Variants in ZEB2 observed in about 807,000 individuals in gnomAD.
ZEB2 encodes zinc finger E-box binding homeobox 2.
In ZEB2, 6 loss-of-function variants were observed where a neutral mutation model predicts 99.9. That is an observed-to-expected ratio of 0.06 (90% CI 0.03 to 0.12). The LOEUF (loss-of-function observed/expected upper bound fraction) is 0.12. Ranked by LOEUF, ZEB2 falls within the 10% of genes least tolerant of loss-of-function variation. The pLI, the probability that ZEB2 is intolerant of heterozygous loss-of-function variation, is 1.00. For missense variants in ZEB2, 969 were observed against 1,502.8 expected, an observed-to-expected ratio of 0.64 and a Z score of 5.87; for synonymous variants, 517 against 542.5, an observed-to-expected ratio of 0.95 and a Z score of 0.65.
At chr2:144,396,268 C>A in intron 9 of ZEB2, 144 bp downstream of exon 9, 1 of 1,090,776 alleles carries the variant, frequency 9.2e-7, no homozygotes, top group South Asian at 1.3e-5. Context: ...AAAAGTCCTA[C>A]TGAGCTCGGC....
chr2:144,513,383 G>C lies in ZEB2; in HGVS notation c.73+3895C>G, dbSNP rs1004117970. The C allele has an allele frequency of 2.2e-6, 3 of 1,345,960 alleles. No homozygotes were observed. In the African/African-American group the frequency reaches 4.4e-5, roughly 20 times the overall value. The allele number at this position is 1,345,960 out of a possible 1,614,324, so 83.4% of individuals were successfully genotyped here. On this transcript the variant is annotated intron_variant, in intron 2 of 9. Coordinates refer to ENST00000627532, the MANE Select transcript of ZEB2 (RefSeq NM_014795.4). ...CAGAGACCAAAGGCATTTGTAAAAA[G>C]CTCCCCTTCTCCTTCACACTGTCCC...
In ZEB2 at chr2:144,484,280, C is replaced by T. The variant is rs184668258; in HGVS notation, c.73+32998G>A. Among the ~76,000 whole-genome samples, 3 of 151,134 alleles carry T rather than the reference C, an allele frequency of 2.0e-5. No homozygotes were observed. The East Asian group carries it at 5.9e-4, about 30-fold the overall frequency. ...GTTTAAAATACTGTGTGGGACAAAT[C>T]AAACATCTGTCAGCCACCAGTTTGC... On this transcript the variant is annotated intron_variant, in intron 2 of 9. Transcript: ENST00000627532.
chr2:144,404,963 T>C lies in ZEB2; in HGVS notation c.465A>G (p.Glu155=). 1 of 1,614,246 alleles carries C rather than the reference T, an allele frequency of 6.2e-7. No homozygotes were observed. Among genetic ancestry groups the C allele is most frequent in the African/African-American group, 1.3e-5 (1 of 75,066 alleles). The part of the protein sequence containing the change: ...EEYFAKRKLE[E]RDGHAVSIEE... ...CGATGCTGACTGCATGACCATCGCG[T>C]TCCTCCAGTTTTCTTTTGGCAAAGT... Residue 155 remains glutamate, a synonymous_variant, in exon 5 of 10, where the codon GAA becomes GAG. Transcript: ENST00000627532.
chr2:144,466,739 GCGTCAGA>G lies in ZEB2; in HGVS notation c.74-36720_74-36714del, dbSNP rs367950121. Among the ~76,000 whole-genome samples the G allele has an allele frequency of 2.6e-3, 394 of 152,276 alleles. 2 individuals are homozygous for G. Among genetic ancestry groups the G allele is most frequent in the African/African-American group, 9.2e-3 (382 of 41,558 alleles). ...TAAACCAGGGCAGTGCTGAAGGTAGGCGTCAGAAAATAATGAAACCAGTGTTGCAGCA... is the reference window on the plus strand; with the variant it reads ...TAAACCAGGGCAGTGCTGAAGGTAGGAAATAATGAAACCAGTGTTGCAGCA... On this transcript the variant is annotated intron_variant, in intron 2 of 9. Transcript: ENST00000627532.
chr2:144,453,216 G>A (rs1704077822), intron 2 of ZEB2, among the ~76,000 whole-genome samples: 1 of 152,188 alleles, frequency 6.6e-6, no homozygotes, highest in African/African-American at 2.4e-5. Flanking sequence ...TGGTCAGAAA[G>A]GACCAATTTG....
At chr2:144,501,842 C>T (rs914271198) in intron 2 of ZEB2, among the ~76,000 whole-genome samples, 1 of 152,180 alleles carries the variant, frequency 6.6e-6, no homozygotes. Context: ...ACAAAATTTT[C>T]TCATGAAACT....
intron 2 of ZEB2, among the ~76,000 whole-genome samples, chr2:144,437,172 A>G (rs1703850056): frequency 6.6e-6 from 1 of 152,176 alleles, no homozygotes; most frequent in Non-Finnish European, 1.5e-5. Flanking sequence ...AACATCTATA[A>G]TATGCTTACA....
chr2:144,440,090 T>C (rs1560624892), intron 2 of ZEB2, among the ~76,000 whole-genome samples: 1 of 152,296 alleles, frequency 6.6e-6, no homozygotes, highest in East Asian at 1.9e-4. Context: ...AGAACTTGTG[T>C]GGAGTTTTAA....
chr2:144,443,296 C>T (rs1307109267), intron 2 of ZEB2, among the ~76,000 whole-genome samples: 3 of 151,984 alleles, frequency 2.0e-5, no homozygotes, highest in Non-Finnish European at 4.4e-5. Context: ...AGCTAAAGGG[C>T]CATATGCCCT....
At chr2:144,425,987 C>T (rs1387902846) in intron 3 of ZEB2, among the ~76,000 whole-genome samples, 2 of 151,838 alleles carry the variant, frequency 1.3e-5, no homozygotes, top group Admixed American at 1.3e-4. Flanking sequence ...AATGTTACAG[C>T]AAAAATAAAA....
Position 144,429,974 on chromosome 2 carries a change from G to T in ZEB2, c.126C>A (p.Asp42Glu). The T allele has an allele frequency of 6.2e-7, 1 of 1,613,882 alleles. No homozygotes were observed. The highest frequency in any genetic ancestry group is 1.7e-4 in the Middle Eastern group (1 of 6,060). The stretch of plus-strand genomic sequence containing the variant: ...CGTCATCCTCAGCAATATGAAGCTT[G>T]TCTTCCTCATCTGTTTCAGAACCTG... ...VDTGSETDEE[D>E]KLHIAEDDGI... The change falls in exon 3 of 10, where the codon GAC becomes GAA. Residue 42 changes from aspartate (D) to glutamate (E), a missense_variant. Asp to Glu is a conservative substitution (Grantham distance 45). Coordinates refer to ENST00000627532, the MANE Select transcript of ZEB2 (RefSeq NM_014795.4).
Position 144,434,120 on chromosome 2 carries a change from G to A in ZEB2, c.74-4094C>T, listed in dbSNP as rs528407285. On this transcript the variant is annotated intron_variant, in intron 2 of 9. Coordinates refer to ENST00000627532, the MANE Select transcript of ZEB2 (RefSeq NM_014795.4). ...TGTATTAACATACAGAAGAACTGATGTGAAGGGGCAATACTTCGTCTTCAC... is the reference window on the plus strand; with the variant it reads ...TGTATTAACATACAGAAGAACTGATATGAAGGGGCAATACTTCGTCTTCAC... Among the ~76,000 whole-genome samples, 7 of 152,292 alleles carry A rather than the reference G, an allele frequency of 4.6e-5. No homozygotes were observed. In the South Asian group the frequency reaches 1.5e-3, roughly 32 times the overall value.
chr2:144,422,814 CA>C (rs1367553091), intron 4 of ZEB2, among the ~76,000 whole-genome samples: 2 of 151,956 alleles, frequency 1.3e-5, no homozygotes, highest in African/African-American at 4.8e-5. Context: ...CAAAACAAAA[CA>C]AATCAAAACA....
chr2:144,467,634 A>G (rs1310802406), intron 2 of ZEB2, among the ~76,000 whole-genome samples: 1 of 152,108 alleles, frequency 6.6e-6, no homozygotes, highest in Non-Finnish European at 1.5e-5. Context: ...TCATTCATCC[A>G]CTTCTGCATT....
intron 2 of ZEB2, among the ~76,000 whole-genome samples, chr2:144,472,196 A>T (rs767944247): frequency 2.1e-4 from 20 of 97,236 alleles, no homozygotes; most frequent in Middle Eastern, 4.1e-3. Flanking sequence ...TGTTTTCTTC[A>T]TCATCATCAT....
At chr2:144,393,417 T>C (rs1703178342) in intron 9 of ZEB2, among the ~76,000 whole-genome samples, 1 of 152,212 alleles carries the variant, frequency 6.6e-6, no homozygotes, top group African/African-American at 2.4e-5. Flanking sequence ...AAACACACTT[T>C]ACCAAGGACA....
At chr2:144,444,510 G>A (rs1336163362) in intron 2 of ZEB2, among the ~76,000 whole-genome samples, 3 of 152,220 alleles carry the variant, frequency 2.0e-5, no homozygotes, top group Non-Finnish European at 4.4e-5. Context: ...GGGATTTAAA[G>A]ATGTCAGGGG....
chr2:144,418,105 G>T (rs1311716229), intron 4 of ZEB2, among the ~76,000 whole-genome samples: 1 of 152,148 alleles, frequency 6.6e-6, no homozygotes, highest in Non-Finnish European at 1.5e-5. Context: ...CACAGTTAAA[G>T]AAGGGATGCT....
chr2:144,404,779 G>A (rs1349351360), intron 5 of ZEB2, 57 bp downstream of exon 5: 7 of 1,584,476 alleles, frequency 4.4e-6, no homozygotes, highest in Non-Finnish European at 5.2e-6. Context: ...TAGTGCATTT[G>A]TAATTGTAAC....
Sources: allele counts gnomAD v4.1 joint callset (sites outside exome capture counted in the v4.1 genomes callset), GRCh38; gene constraint gnomAD v4.1.1; transcripts MANE v1.5; gene names NCBI Gene and HGNC (gene_info 2026-07-23, HGNC 2026-07-21).